NR2C1: variants seen among roughly 807,000 people sequenced by gnomAD.
NR2C1 encodes nuclear receptor subfamily 2 group C member 1, also known as TR2 nuclear hormone receptor.
A neutral mutation model predicts 74.8 loss-of-function variants in NR2C1; 33 were observed. The ratio of observed to expected loss-of-function variants is 0.44; its 90% CI spans 0.33 to 0.59. NR2C1 has a LOEUF of 0.59. Among genes scored for constraint, NR2C1 ranks in the 20% least tolerant of loss-of-function variants. The pLI, the probability that NR2C1 is intolerant of heterozygous loss-of-function variation, is 0.02. For missense variants in NR2C1, 568 were observed against 715.6 expected, an observed-to-expected ratio of 0.79 and a Z score of 2.35; for synonymous variants, 225 against 240.6, an observed-to-expected ratio of 0.94 and a Z score of 0.60.
chr12:95,071,201 C>CA (rs779085122), intron 1 of NR2C1, among the ~76,000 whole-genome samples: 2,763 of 93,962 alleles, frequency 0.029, 70 homozygotes, highest in African/African-American at 0.083. Flanking sequence ...AACTCCGTCT[C>CA]AAAAAAAAAA....
At chr12:95,050,370 G>A (rs973960304) in intron 8 of NR2C1, among the ~76,000 whole-genome samples, 4 of 152,142 alleles carry the variant, frequency 2.6e-5, no homozygotes, top group Non-Finnish European at 4.4e-5. Context: ...GTACAGTGGC[G>A]TGACCTCGGC....
chr12:95,053,490 A>G (rs185149245), intron 7 of NR2C1, among the ~76,000 whole-genome samples: 327 of 152,086 alleles, frequency 2.2e-3, no homozygotes, highest in African/African-American at 7.3e-3. Flanking sequence ...ATGATACATG[A>G]GTTTTTCTGA....
intron 11 of NR2C1, 122 bp from the exon 12 acceptor site, chr12:95,028,646 C>G: frequency 5.7e-6 from 4 of 698,158 alleles, no homozygotes; most frequent in Non-Finnish European, 9.6e-6. Context: ...TTTTTTGAGA[C>G]AGGGTTTTAC....
intron 9 of NR2C1, 120 bp downstream of exon 9, chr12:95,048,948 C>T (rs183656): frequency 0.77 from 738,896 of 956,236 alleles, 286,764 homozygotes; most frequent in African/African-American, 0.84. Flanking sequence ...AGCTGCTGTT[C>T]TGAAATTCTA....
intron 9 of NR2C1, among the ~76,000 whole-genome samples, chr12:95,044,995 G>A (rs1156234225): frequency 6.6e-6 from 1 of 152,192 alleles, no homozygotes; most frequent in African/African-American, 2.4e-5. Flanking sequence ...CTTGTGGCCA[G>A]GAGTTTGAGA....
Position 95,022,286 on chromosome 12 carries a change from A to C in NR2C1, c.1755T>G (p.His585Gln), listed in dbSNP as rs774515743. 5 of 1,612,498 alleles carry C rather than the reference A, an allele frequency of 3.1e-6. No individual in the cohort carries two copies. The South Asian group carries it at 5.5e-5, about 18-fold the overall frequency. Residue 585 changes from histidine to glutamine, a missense_variant, in exon 14 of 14, where the codon CAT becomes CAG. His to Gln is a conservative substitution (Grantham distance 24). This residue lies in a region of NR2C1 where 117 missense variants were observed against 186.7 expected (regional missense o/e 0.63). Coordinates refer to ENST00000333003, the MANE Select transcript of NR2C1 (RefSeq NM_003297.4). ...AATCTGCAGGCTCCATTTTCAAAAT[A>C]TGTGGGATAACACTGTCAATTCGTA... is the stretch of plus-strand genomic sequence containing the variant. ...GNIRIDSVIPHILKMEPADYN... is the reference protein window; with the variant it reads ...GNIRIDSVIPQILKMEPADYN...
intron 1 of NR2C1, among the ~76,000 whole-genome samples, chr12:95,070,843 A>C (rs1876497685): frequency 6.6e-6 from 1 of 152,152 alleles, no homozygotes; most frequent in Admixed American, 6.5e-5. Context: ...TCAAACTACG[A>C]TGTTCTTTAT....
intron 7 of NR2C1, 66 bp downstream of exon 7, chr12:95,057,487 G>C: frequency 8.7e-7 from 1 of 1,146,898 alleles, no homozygotes; most frequent in Non-Finnish European, 1.2e-6. Context: ...CCAAAGCAAA[G>C]GAAGTGATTA....
chr12:95,042,975 A>G (rs1012725468), intron 9 of NR2C1, among the ~76,000 whole-genome samples: 19 of 151,806 alleles, frequency 1.3e-4, no homozygotes, highest in Admixed American at 1.1e-3. Context: ...CAAAAAATTA[A>G]AAATTTAGCC....
At chr12:95,073,044 A>T (rs1051996835) in intron 1 of NR2C1, 26 of 152,198 alleles carry the variant, frequency 1.7e-4, no homozygotes, top group African/African-American at 6.0e-4. Flanking sequence ...AGCGCCGCGG[A>T]AGCTTTCCCT....
rs746864071 is a variant in NR2C1, at chr12:95,062,687, C to T, written c.106G>A (p.Asp36Asn). The T allele has an allele frequency of 1.2e-6, 2 of 1,614,018 alleles. No homozygotes were observed. Among genetic ancestry groups the T allele is most frequent in the East Asian group, 4.5e-5 (2 of 44,888 alleles). Reference sequence around the variant, plus strand: ...AACTGCTTGCCTTGGGTATTATGATCAAGTGCTGTCACAATCTGGATTTTC... The same window carrying T: ...AACTGCTTGCCTTGGGTATTATGATTAAGTGCTGTCACAATCTGGATTTTC... Reference protein sequence around the residue: ...GQKIQIVTALDHNTQGKQFIL... With the variant: ...GQKIQIVTALNHNTQGKQFIL... Residue 36 changes from aspartate (D) to asparagine (N), a missense_variant, in exon 3 of 14, where the codon GAT becomes AAT. This residue lies in a region of NR2C1 where 128 missense variants were observed against 118.9 expected (regional missense o/e 1.08). Transcript: ENST00000333003.
intron 11 of NR2C1, 68 bp from the exon 12 acceptor site, chr12:95,028,592 AT>A: frequency 8.5e-7 from 1 of 1,175,062 alleles, no homozygotes; most frequent in East Asian, 2.4e-5. Flanking sequence ...CATCCAATAT[AT>A]TTCCCTCTCA....
chr12:95,031,521 ATAT>A, intron 10 of NR2C1, 33 bp from the exon 11 acceptor site: 2 of 1,516,822 alleles, frequency 1.3e-6, no homozygotes, highest in Non-Finnish European at 1.8e-6. Context: ...CACAAATCAG[ATAT>A]TATTAAAATA....
Position 95,025,206 on chromosome 12 carries a change from CT to C in NR2C1, c.1580del (p.Lys527ArgfsTer10). 1 of 1,608,096 alleles carries C rather than the reference CT, an allele frequency of 6.2e-7. No individual in the cohort carries two copies. Among genetic ancestry groups the C allele is most frequent in the Admixed American group, 1.7e-5 (1 of 59,640 alleles). ...TATAATCTTGGAATTCCACATAAGC[CT>C]TTTCCTGAAATTTCTCTATCTGTTC... is the stretch of plus-strand genomic sequence containing the variant. ...NMEQIEKFQE[K>X]AYVEFQDYIT... On this transcript the variant is annotated frameshift_variant, in exon 13 of 14. Coordinates refer to ENST00000333003, the MANE Select transcript of NR2C1 (RefSeq NM_003297.4). LOFTEE classifies it high-confidence loss of function.
At chr12:95,032,306 A>C (rs1340284293) in intron 10 of NR2C1, among the ~76,000 whole-genome samples, 1 of 152,228 alleles carries the variant, frequency 6.6e-6, no homozygotes, top group Non-Finnish European at 1.5e-5. Flanking sequence ...TAGAAAGGTC[A>C]AAAGTTCTCT....
chr12:95,061,188 A>G (rs1289411032), intron 3 of NR2C1, among the ~76,000 whole-genome samples: 2 of 152,210 alleles, frequency 1.3e-5, no homozygotes, highest in African/African-American at 4.8e-5. Flanking sequence ...TGTCCTAGCC[A>G]AGAGAAGCCT....
At chr12:95,028,216 G>A in intron 12 of NR2C1, 171 bp downstream of exon 12, 1 of 559,116 alleles carries the variant, frequency 1.8e-6, no homozygotes, top group Non-Finnish European at 3.1e-6. Flanking sequence ...GCTGACAAGA[G>A]TGAAGCTGCT....
chr12:95,022,459 T>G lies in NR2C1; in HGVS notation c.1638-56A>C, dbSNP rs1216304546. 4 of 1,385,824 alleles carry G rather than the reference T, an allele frequency of 2.9e-6. No individual in the cohort carries two copies. The African/African-American group carries it at 5.9e-5, about 20-fold the overall frequency. The allele number at this position is 1,385,824 out of a possible 1,614,324, so 85.8% of individuals were successfully genotyped here. On this transcript the variant is annotated intron_variant, in intron 13 of 13. Coordinates refer to ENST00000333003, the MANE Select transcript of NR2C1 (RefSeq NM_003297.4). ...CAAGGTTGTAAACCAGAAAGAAATTTAGTAGAAAAATATGAGTAATTTCTG... is the reference window on the plus strand; with the variant it reads ...CAAGGTTGTAAACCAGAAAGAAATTGAGTAGAAAAATATGAGTAATTTCTG...
At chr12:95,058,802 A>AT (rs960046518) in intron 4 of NR2C1, among the ~76,000 whole-genome samples, 11 of 150,396 alleles carry the variant, frequency 7.3e-5, no homozygotes, top group African/African-American at 1.7e-4. Context: ...TTTTATTATT[A>AT]TTTTTTTTTG....
Sources: gnomAD v4.1 joint callset for allele counts (sites outside exome capture counted in the v4.1 genomes callset) on GRCh38, gnomAD v4.1.1 for gene constraint, gnomAD v4.1.1 regional missense constraint, MANE v1.5 for transcripts, NCBI Gene and HGNC (gene_info 2026-07-23, HGNC 2026-07-21) for gene names.